CDKAL1: variants seen among roughly 807,000 people sequenced by gnomAD.
The protein encoded by CDKAL1 is threonylcarbamoyladenosine tRNA methylthiotransferase.
A neutral mutation model predicts 68.2 loss-of-function variants in CDKAL1; 32 were observed. The observed-to-expected ratio is 0.47, with a 90% CI of 0.35 to 0.63. The LOEUF is 0.63. CDKAL1 is among the 30% of genes least tolerant of loss of function. The pLI, the probability that CDKAL1 is intolerant of heterozygous loss-of-function variation, is 0.00. For synonymous variants in CDKAL1, 234 were observed against 244.3 expected (o/e 0.96, Z 0.39); for missense variants, 606 against 696.7 (o/e 0.87, Z 1.47).
chr6:20,670,772 T>G (rs1435877653), intron 5 of CDKAL1, among the ~76,000 whole-genome samples: 1 of 152,220 alleles, frequency 6.6e-6, no homozygotes, highest in Non-Finnish European at 1.5e-5. Flanking sequence ...TCCTTTTGTT[T>G]TTTACTTAAA....
chr6:20,773,851 A>G lies in CDKAL1; in HGVS notation c.518-7294A>G, dbSNP rs1020750608. Among the ~76,000 whole-genome samples the G allele has an allele frequency of 2.0e-5, 3 of 152,006 alleles. No individual in the cohort carries two copies. In the South Asian group the frequency reaches 6.2e-4, roughly 32 times the overall value. On this transcript the variant is annotated intron_variant, in intron 7 of 15. Transcript: ENST00000274695. Reference sequence around the variant, plus strand: ...TTGAGCTGCTGCACCTGGCCCATTTATTCATTTTTTAAAAAACTTTTTTTG... The same window carrying G: ...TTGAGCTGCTGCACCTGGCCCATTTGTTCATTTTTTAAAAAACTTTTTTTG...
chr6:20,644,935 T>C (rs1444534196), intron 4 of CDKAL1, among the ~76,000 whole-genome samples: 2 of 152,190 alleles, frequency 1.3e-5, no homozygotes, highest in Admixed American at 6.5e-5. Flanking sequence ...CAAACCTAGA[T>C]TGTACAGCCT....
At chr6:20,646,780 G>C (rs993360980) in intron 4 of CDKAL1, among the ~76,000 whole-genome samples, 1 of 152,164 alleles carries the variant, frequency 6.6e-6, no homozygotes, top group African/African-American at 2.4e-5. Flanking sequence ...TTTTGCTCTT[G>C]TTGCCCAGGC....
chr6:21,161,604 C>T lies in CDKAL1; in HGVS notation c.1300-36417C>T, dbSNP rs190864821. 4.0e-3 allele frequency among the ~76,000 whole-genome samples: 614 copies of T among 152,238 alleles called. 6 individuals are homozygous for T. Among genetic ancestry groups the T allele is most frequent in the African/African-American group, 0.014 (586 of 41,548 alleles). ...TTAATATATTTATAGGGGTGATCTA[C>T]GTTTCAGATTTATAAAGTCTCTGAA... On this transcript the variant is annotated intron_variant, in intron 13 of 15. Transcript: ENST00000274695.
At chr6:20,796,943 T>C (rs952110634) in intron 8 of CDKAL1, among the ~76,000 whole-genome samples, 15 of 152,150 alleles carry the variant, frequency 9.9e-5, no homozygotes, top group African/African-American at 3.4e-4. Context: ...GAATAAAACA[T>C]AGGAGAAGGT....
intron 8 of CDKAL1, among the ~76,000 whole-genome samples, chr6:20,798,693 C>T (rs1177755301): frequency 7.1e-6 from 1 of 139,948 alleles, no homozygotes; most frequent in South Asian, 2.2e-4. Flanking sequence ...TGTTCTCACT[C>T]GTAGGTGGGA....
chr6:21,010,978 A>C (rs1202529958), intron 11 of CDKAL1, among the ~76,000 whole-genome samples: 2 of 150,686 alleles, frequency 1.3e-5, no homozygotes, highest in Non-Finnish European at 3.0e-5. Flanking sequence ...GCTACTTGGG[A>C]GGCTGAGGCA....
At chr6:20,820,143 G>T (rs546638643) in intron 8 of CDKAL1, among the ~76,000 whole-genome samples, 3 of 152,142 alleles carry the variant, frequency 2.0e-5, no homozygotes, top group Non-Finnish European at 4.4e-5. Flanking sequence ...AGGGTCATGG[G>T]CCTCAAAGTA....
chr6:21,052,959 A>T (rs578142650), intron 11 of CDKAL1, among the ~76,000 whole-genome samples: 3 of 151,678 alleles, frequency 2.0e-5, no homozygotes, highest in East Asian at 1.9e-4. Flanking sequence ...TCAGAAAGGT[A>T]TTTTTTTTTC....
intron 4 of CDKAL1, among the ~76,000 whole-genome samples, chr6:20,605,871 A>G (rs911231450): frequency 2.0e-5 from 3 of 152,104 alleles, no homozygotes; most frequent in Admixed American, 6.5e-5. Flanking sequence ...CCTCACATAC[A>G]TGCACTGGTC....
intron 5 of CDKAL1, among the ~76,000 whole-genome samples, chr6:20,673,792 T>C (rs1769961329): frequency 6.6e-6 from 1 of 152,170 alleles, no homozygotes; most frequent in Non-Finnish European, 1.5e-5. Context: ...TTACTCCTCC[T>C]TACCGTCCGC....
At chr6:20,847,983 C>T (rs1778437996) in intron 9 of CDKAL1, among the ~76,000 whole-genome samples, 1 of 152,114 alleles carries the variant, frequency 6.6e-6, no homozygotes, top group Admixed American at 6.5e-5. Context: ...TCCCACTGGC[C>T]ATTTGGTGTT....
intron 13 of CDKAL1, among the ~76,000 whole-genome samples, chr6:21,163,940 A>C (rs1459545533): frequency 6.6e-6 from 1 of 150,586 alleles, no homozygotes; most frequent in Non-Finnish European, 1.5e-5. Context: ...AAGAGGAGCG[A>C]AACTCTATCT....
At chr6:20,541,103 C>T (rs976103260) in intron 2 of CDKAL1, among the ~76,000 whole-genome samples, 6 of 152,142 alleles carry the variant, frequency 3.9e-5, no homozygotes, top group East Asian at 1.9e-4. Context: ...TGGGTAAGGA[C>T]GCAGAATTTT....
intron 9 of CDKAL1, among the ~76,000 whole-genome samples, chr6:20,861,329 A>G (rs1759615964): frequency 6.6e-6 from 1 of 152,238 alleles, no homozygotes; most frequent in South Asian, 2.1e-4. Flanking sequence ...CCGTCTGATT[A>G]ACTGAATGGG....
chr6:20,566,944 T>G (rs1244708465), intron 4 of CDKAL1, among the ~76,000 whole-genome samples: 3 of 152,122 alleles, frequency 2.0e-5, no homozygotes, highest in Non-Finnish European at 4.4e-5. Flanking sequence ...TCTTTCCTCA[T>G]CTACAGAAGC....
chr6:20,767,699 A>G (rs1774761750), intron 7 of CDKAL1, among the ~76,000 whole-genome samples: 1 of 152,202 alleles, frequency 6.6e-6, no homozygotes, highest in African/African-American at 2.4e-5. Flanking sequence ...CCTAATATTG[A>G]TAATAATTGG....
intron 4 of CDKAL1, among the ~76,000 whole-genome samples, chr6:20,647,277 C>A (rs142987571): frequency 6.6e-6 from 1 of 152,306 alleles, no homozygotes; most frequent in Non-Finnish European, 1.5e-5. Flanking sequence ...AGTCCTAAAT[C>A]TTTGTTAAAT....
At chr6:20,704,754 A>G (rs1289354635) in intron 5 of CDKAL1, among the ~76,000 whole-genome samples, 3 of 152,234 alleles carry the variant, frequency 2.0e-5, no homozygotes, top group African/African-American at 7.2e-5. Context: ...TTCTCAAATT[A>G]AATCCCACTT....
Sources: gnomAD v4.1 joint callset for allele counts (sites outside exome capture counted in the v4.1 genomes callset) on GRCh38, gnomAD v4.1.1 for gene constraint, MANE v1.5 for transcripts, NCBI Gene and HGNC (gene_info 2026-07-23, HGNC 2026-07-21) for gene names.